Variants in PTPRE observed in about 807,000 individuals in gnomAD.
PTPRE encodes the protein receptor-type tyrosine-protein phosphatase epsilon.
In PTPRE, 51 loss-of-function variants were observed where a neutral mutation model predicts 102.0. That is an observed-to-expected ratio of 0.50 (90% CI 0.40 to 0.63). The LOEUF (loss-of-function observed/expected upper bound fraction) is 0.63, where lower values mean the gene tolerates loss of function less well. PTPRE is among the 30% of genes least tolerant of loss of function. The probability of loss-of-function intolerance (pLI) is 0.00; values close to 1 mark genes in which losing one functional copy is unlikely to be tolerated. For missense variants in PTPRE, 752 were observed against 915.1 expected (o/e 0.82, Z 2.30); for synonymous variants, 345 against 348.2 (o/e 0.99, Z 0.10).
intron 2 of PTPRE, among the ~76,000 whole-genome samples, chr10:128,010,678 G>A (rs1298836185): frequency 1.3e-5 from 2 of 151,902 alleles, no homozygotes; most frequent in Non-Finnish European, 2.9e-5. Flanking sequence ...TACAAGCTCC[G>A]CCTCCCGGGT....
intron 2 of PTPRE, among the ~76,000 whole-genome samples, chr10:128,033,771 A>T (rs1373427614): frequency 2.0e-5 from 3 of 152,126 alleles, no homozygotes; most frequent in Non-Finnish European, 2.9e-5. Flanking sequence ...CAGCCTCCTG[A>T]GCAGCTGGGA....
intron 3 of PTPRE, among the ~76,000 whole-genome samples, chr10:128,046,738 T>G (rs1848123798): frequency 6.6e-6 from 1 of 151,890 alleles, no homozygotes; most frequent in South Asian, 2.1e-4. Flanking sequence ...GAGCCAGGGG[T>G]GGGTCCTGAG....
intron 1 of PTPRE, among the ~76,000 whole-genome samples, chr10:127,947,827 G>A (rs1159596696): frequency 1.3e-5 from 2 of 152,190 alleles, no homozygotes; most frequent in African/African-American, 2.4e-5. Flanking sequence ...TGTGTAATGG[G>A]CAAAGTTCAG....
Position 128,006,796 on chromosome 10 carries a change from C to A in PTPRE, c.-8+24500C>A, listed in dbSNP as rs144367092. On this transcript the variant is annotated intron_variant, in intron 2 of 20. Coordinates refer to ENST00000254667, the MANE Select transcript of PTPRE (RefSeq NM_006504.6). ...AGATGGTGTCAAGTCCCACAAAAGA[C>A]TCTTTTATACCAGAAGAAAAGTATT... 2.6e-5 allele frequency among the ~76,000 whole-genome samples: 4 copies of A among 152,310 alleles called. No individual in the cohort carries two copies. The East Asian group carries it at 7.7e-4, about 29-fold the overall frequency.
chr10:128,069,552 G>A (rs1564960710), intron 12 of PTPRE, 140 bp from the exon 13 acceptor site: 43 of 1,147,652 alleles, frequency 3.7e-5, no homozygotes, highest in Non-Finnish European at 3.7e-5. Context: ...TCTGGTGGCT[G>A]CACTGTAGCT....
chr10:128,081,809 TCTC>T (rs1324634275), intron 20 of PTPRE, among the ~76,000 whole-genome samples: 4 of 152,212 alleles, frequency 2.6e-5, no homozygotes, highest in Non-Finnish European at 4.4e-5. Context: ...ACCTTTTCCT[TCTC>T]TGGAAAACTC....
intron 1 of PTPRE, among the ~76,000 whole-genome samples, chr10:127,966,733 C>T (rs909086096): frequency 6.6e-6 from 1 of 152,162 alleles, no homozygotes; most frequent in Non-Finnish European, 1.5e-5. Flanking sequence ...CCAGGCTGCT[C>T]TGATGGCAAG....
chr10:127,949,806 A>C (rs1848887127), intron 1 of PTPRE, among the ~76,000 whole-genome samples: 1 of 152,198 alleles, frequency 6.6e-6, no homozygotes, highest in Non-Finnish European at 1.5e-5. Context: ...GCGAAAGCTG[A>C]GTCTCAGCTT....
At chr10:128,017,627 C>T (rs1845540305) in intron 2 of PTPRE, among the ~76,000 whole-genome samples, 1 of 152,058 alleles carries the variant, frequency 6.6e-6, no homozygotes, top group African/African-American at 2.4e-5. Flanking sequence ...ACCCAGAGTC[C>T]ATACTCTATG....
chr10:127,975,997 C>T (rs1414164499), intron 1 of PTPRE, among the ~76,000 whole-genome samples: 1 of 152,048 alleles, frequency 6.6e-6, no homozygotes, highest in African/African-American at 2.4e-5. Flanking sequence ...CTGTTGGGTG[C>T]TTGGCGGGGA....
In PTPRE at chr10:127,937,078, T is replaced by G. The variant is rs141985172; in HGVS notation, c.-31+29769T>G. Among the ~76,000 whole-genome samples, 1,113 of 152,300 alleles carry G rather than the reference T, an allele frequency of 7.3e-3. 8 individuals are homozygous for G. The highest frequency in any genetic ancestry group is 0.011 in the Non-Finnish European group (779 of 68,022). On this transcript the variant is annotated intron_variant, in intron 1 of 20. Coordinates refer to ENST00000254667, the MANE Select transcript of PTPRE (RefSeq NM_006504.6). ...ATTCCCTGCAGATCTAACTCTGAGA[T>G]TCTCACTCCTGAAAATGCCTGGACA...
intron 1 of PTPRE, among the ~76,000 whole-genome samples, chr10:127,919,398 G>A (rs1846435606): frequency 6.6e-6 from 1 of 152,238 alleles, no homozygotes; most frequent in South Asian, 2.1e-4. Flanking sequence ...GCCAGAGCTG[G>A]AGGCCAGCTG....
chr10:127,970,824 C>T (rs1430538035), intron 1 of PTPRE, among the ~76,000 whole-genome samples: 2 of 151,714 alleles, frequency 1.3e-5, no homozygotes, highest in Non-Finnish European at 2.9e-5. Flanking sequence ...GATCATATTC[C>T]TATTCGTATC....
intron 10 of PTPRE, among the ~76,000 whole-genome samples, chr10:128,065,053 A>G (rs1849945597): frequency 6.6e-6 from 1 of 152,348 alleles, no homozygotes; most frequent in Admixed American, 6.5e-5. Context: ...CCAAACCGGG[A>G]CATGTAGGCA....
At chr10:128,030,266 C>T (rs113285664) in intron 2 of PTPRE, among the ~76,000 whole-genome samples, 6 of 152,336 alleles carry the variant, frequency 3.9e-5, no homozygotes, top group African/African-American at 1.4e-4. Flanking sequence ...CAGCCCTTGC[C>T]TGATGAGTTA....
At chr10:127,974,270 G>C (rs182732957) in intron 1 of PTPRE, among the ~76,000 whole-genome samples, 40 of 152,240 alleles carry the variant, frequency 2.6e-4, no homozygotes, top group African/African-American at 9.4e-4. Flanking sequence ...TAACCCAGCA[G>C]GAAATTTTAT....
rs182686563 is a variant in PTPRE, at chr10:128,069,423, A to C, written c.1008-269A>C. On this transcript the variant is annotated intron_variant, in intron 12 of 20. Coordinates refer to ENST00000254667, the MANE Select transcript of PTPRE (RefSeq NM_006504.6). The stretch of plus-strand genomic sequence containing the variant: ...AAGACACTGTTTGGTAAGTGAGAAA[A>C]ATTCTCCACACAGCCTAATCCGAGG... The C allele has an allele frequency of 9.4e-4, 411 of 436,728 alleles. 2 individuals carry two copies. Among genetic ancestry groups the C allele is most frequent in the African/African-American group, 7.7e-3 (381 of 49,714 alleles). 27.1% of individuals were successfully genotyped at this position (436,728 alleles called of 1,614,324 possible).
intron 2 of PTPRE, among the ~76,000 whole-genome samples, chr10:128,014,431 C>T (rs536635592): frequency 2.0e-5 from 3 of 152,184 alleles, no homozygotes; most frequent in East Asian, 1.9e-4. Flanking sequence ...CTTCAAACGG[C>T]GTGTATCGAG....
At chr10:127,919,491 T>A (rs1161114808) in intron 1 of PTPRE, among the ~76,000 whole-genome samples, 1 of 152,232 alleles carries the variant, frequency 6.6e-6, no homozygotes, top group East Asian at 1.9e-4. Context: ...TTCTGTTCTG[T>A]GCTGCCTCTA....
Sources: allele counts gnomAD v4.1 joint callset (sites outside exome capture counted in the v4.1 genomes callset), GRCh38; gene constraint gnomAD v4.1.1; transcripts MANE v1.5; gene names NCBI Gene and HGNC (gene_info 2026-07-23, HGNC 2026-07-21).